Variants in PARD3B observed in about 807,000 individuals in gnomAD.
PARD3B encodes the protein par-3 family cell polarity regulator beta, also known as partitioning defective 3 homolog B.
PARD3B carries 103 observed loss-of-function variants against 130.2 expected under a neutral mutation model. That is an observed-to-expected ratio of 0.79 (90% CI 0.67 to 0.93). The LOEUF is 0.93. PARD3B is among the 40% of genes least tolerant of loss of function. The probability of loss-of-function intolerance (pLI) is 0.00; values close to 1 mark genes in which losing one functional copy is unlikely to be tolerated. For missense variants in PARD3B, 1,609 were observed against 1,499.2 expected (o/e 1.07, Z -1.21); for synonymous variants, 583 against 553.2 (o/e 1.05, Z -0.76).
At chr2:205,267,765 T>C (rs2040567250) in intron 16 of PARD3B, among the ~76,000 whole-genome samples, 1 of 152,136 alleles carries the variant, frequency 6.6e-6, no homozygotes, top group African/African-American at 2.4e-5. Context: ...ATAGAATAAA[T>C]ACATTCAACA....
chr2:204,554,648 C>T (rs1574452311), intron 1 of PARD3B, among the ~76,000 whole-genome samples: 1 of 151,676 alleles, frequency 6.6e-6, no homozygotes, highest in Non-Finnish European at 1.5e-5. Context: ...TCCATTTCTG[C>T]CCCCGAGACT....
chr2:205,039,171 G>A (rs1263867988), intron 3 of PARD3B, among the ~76,000 whole-genome samples: 3 of 152,032 alleles, frequency 2.0e-5, no homozygotes, highest in Non-Finnish European at 4.4e-5. Flanking sequence ...TACAAAAAGA[G>A]AAAATGTAGT....
chr2:205,007,055 T>G (rs1211655406), intron 3 of PARD3B, among the ~76,000 whole-genome samples: 2 of 152,176 alleles, frequency 1.3e-5, no homozygotes, highest in Non-Finnish European at 2.9e-5. Context: ...GGGTGGGACC[T>G]GGTGATTGGA....
At chr2:205,306,982 C>T (rs7594732) in intron 18 of PARD3B, among the ~76,000 whole-genome samples, 84,751 of 152,086 alleles carry the variant, frequency 0.56, 27,326 homozygotes, top group South Asian at 0.75. Context: ...CCGTTATCTG[C>T]GTTTCTCAGA....
chr2:204,859,235 T>C (rs2045085016), intron 2 of PARD3B, among the ~76,000 whole-genome samples: 1 of 152,174 alleles, frequency 6.6e-6, no homozygotes, highest in Non-Finnish European at 1.5e-5. Flanking sequence ...TATTCGGAAG[T>C]ATTCGACTTT....
intron 2 of PARD3B, among the ~76,000 whole-genome samples, chr2:204,857,492 T>G (rs1359646960): frequency 6.6e-6 from 1 of 152,112 alleles, no homozygotes; most frequent in Admixed American, 6.5e-5. Context: ...GTACTTAATA[T>G]AAAAGTTTTA....
At chr2:205,163,157 A>T (rs868567814) in intron 11 of PARD3B, among the ~76,000 whole-genome samples, 79 of 152,300 alleles carry the variant, frequency 5.2e-4, no homozygotes, top group African/African-American at 1.8e-3. Context: ...TTTTGACTTC[A>T]CTATGCTGAC....
In PARD3B at chr2:204,876,771, T is replaced by G. The variant is rs189693436; in HGVS notation, c.223-88381T>G. On this transcript the variant is annotated intron_variant, in intron 2 of 22. Coordinates refer to ENST00000406610, the MANE Select transcript of PARD3B (RefSeq NM_001302769.2). The stretch of plus-strand genomic sequence containing the variant: ...GGTATATTTTACCAGTAGGGGCCTC[T>G]GCTTTATATTGTCTGACGTCTTGAC... 5.3e-5 allele frequency among the ~76,000 whole-genome samples: 8 copies of G among 152,314 alleles called. No homozygotes were observed. In the East Asian group the frequency reaches 1.5e-3, roughly 29 times the overall value.
intron 1 of PARD3B, among the ~76,000 whole-genome samples, chr2:204,659,734 A>G (rs2035741085): frequency 6.6e-6 from 1 of 152,198 alleles, no homozygotes; most frequent in South Asian, 2.1e-4. Context: ...CCTATCCATG[A>G]ATGGTGACAT....
rs1394857584 is a variant in PARD3B at position 204,673,020 on chromosome 2, T to C, written c.121-13161T>C. 6.6e-6 allele frequency among the ~76,000 whole-genome samples: 1 copy of C among 152,246 alleles called. No homozygotes were observed. Among genetic ancestry groups the C allele is most frequent in the Non-Finnish European group, 1.5e-5 (1 of 68,040 alleles). On this transcript the variant is annotated intron_variant, in intron 1 of 22. Transcript: ENST00000406610. This position sits in a 1 kb window ranked among gnomAD's most constrained non-coding sequence, Gnocchi z 4.7. ...CCGTGTATGTGAATGTATGTGAATA[T>C]GTAATGAATTTCTCACAATCCAGTG...
intron 2 of PARD3B, among the ~76,000 whole-genome samples, chr2:204,931,167 A>G (rs1688003515): frequency 6.6e-6 from 1 of 152,110 alleles, no homozygotes; most frequent in African/African-American, 2.4e-5. Flanking sequence ...AGTATTTTGT[A>G]GATAAGGAGT....
intron 18 of PARD3B, among the ~76,000 whole-genome samples, chr2:205,354,026 C>CTTTTTTTTTTTTTTTTTTTT (rs869308018): frequency 6.0e-5 from 3 of 50,356 alleles, no homozygotes; most frequent in Non-Finnish European, 1.2e-4. Flanking sequence ...TTTTCTTTTC[C>CTTTTTTTTTTTTTTTTTTTT]TTTTTTTTTT....
At chr2:205,403,543 G>C (rs1420141122) in intron 19 of PARD3B, among the ~76,000 whole-genome samples, 2 of 152,074 alleles carry the variant, frequency 1.3e-5, no homozygotes, top group Admixed American at 1.3e-4. Context: ...TCAACCACAT[G>C]ATTTCTTGTA....
At chr2:204,815,814 T>A (rs1319811942) in intron 2 of PARD3B, among the ~76,000 whole-genome samples, 1 of 152,022 alleles carries the variant, frequency 6.6e-6, no homozygotes, top group African/African-American at 2.4e-5. Context: ...GACATTTAAA[T>A]TTTTCTGGAG....
chr2:205,434,203 T>G (rs2047433833), intron 19 of PARD3B, among the ~76,000 whole-genome samples: 1 of 152,210 alleles, frequency 6.6e-6, no homozygotes, highest in South Asian at 2.1e-4. Flanking sequence ...GGACATCTCA[T>G]TGTAGTTTTA....
In PARD3B at chr2:205,263,841, A is replaced by G. The variant is rs1037528156; in HGVS notation, c.2185+18019A>G. On this transcript the variant is annotated intron_variant, in intron 16 of 22. Coordinates refer to ENST00000406610, the MANE Select transcript of PARD3B (RefSeq NM_001302769.2). This position sits in a 1 kb window ranked among gnomAD's most constrained non-coding sequence, Gnocchi z 4.0. ...CAAAGGATCTGTATACAGAATATAT[A>G]AAAGTTCCGAACCCAAGGAATTGCC... Among the ~76,000 whole-genome samples the G allele has an allele frequency of 6.6e-6, 1 of 151,332 alleles. No homozygotes were observed. Among genetic ancestry groups the G allele is most frequent in the Non-Finnish European group, 1.5e-5 (1 of 67,684 alleles).
Position 205,440,460 on chromosome 2 carries a change from G to A in PARD3B, c.2832G>A (p.Met944Ile). The change falls in exon 20 of 23, where the codon ATG becomes ATA. Residue 944 changes from methionine to isoleucine, a missense_variant. By Grantham distance (10) the Met-to-Ile change is conservative (BLOSUM62 1). Transcript: ENST00000406610. The surrounding 1 kb of genome is among the most constrained non-coding windows in gnomAD (Gnocchi z 4.2). ...ATGAIGSVYD[M>I]DDDEMDPNYA... ...GTGCAATTGGATCAGTGTATGATAT[G>A]GATGATGATGAAATGGACCCCAATT... 2 of 1,614,044 alleles carry A rather than the reference G, an allele frequency of 1.2e-6. No homozygotes were observed. Among genetic ancestry groups the A allele is most frequent in the African/African-American group, 1.3e-5 (1 of 75,008 alleles).
chr2:205,561,168 C>T (rs1318998997), intron 22 of PARD3B, among the ~76,000 whole-genome samples: 3 of 152,188 alleles, frequency 2.0e-5, no homozygotes, highest in African/African-American at 7.2e-5. Flanking sequence ...TAAAGATGCT[C>T]TCCCTCTCAG....
rs1475593744 is a variant in PARD3B, at chr2:205,274,144, A to G, written c.2186-26386A>G. 2.0e-5 allele frequency among the ~76,000 whole-genome samples: 3 copies of G among 152,184 alleles called. No homozygotes were observed. The highest frequency in any genetic ancestry group is 1.9e-4 in the East Asian group (1 of 5,200). ...TTTATTTTCCCTCATATGTATATAT[A>G]TCTTTATCTTAGATAAATTACTATT... On this transcript the variant is annotated intron_variant, in intron 16 of 22. Coordinates refer to ENST00000406610, the MANE Select transcript of PARD3B (RefSeq NM_001302769.2). The surrounding 1 kb of genome is among the most constrained non-coding windows in gnomAD (Gnocchi z 4.2).
Sources: gnomAD v4.1 joint callset for allele counts (sites outside exome capture counted in the v4.1 genomes callset) on GRCh38, gnomAD v4.1.1 for gene constraint, Gnocchi (gnomAD v3.1) non-coding constraint, MANE v1.5 for transcripts, NCBI Gene and HGNC (gene_info 2026-07-23, HGNC 2026-07-21) for gene names.